The following BANF2 variants were observed in gnomAD, a reference collection of about 807,000 sequenced individuals.
The protein encoded by BANF2 is BANF family member 2.
A neutral mutation model predicts 8.0 loss-of-function variants in BANF2; 4 were observed. The ratio of observed to expected loss-of-function variants is 0.50; its 90% confidence interval spans 0.25 to 1.14. The LOEUF (loss-of-function observed/expected upper bound fraction) is 1.14. Among genes scored for constraint, BANF2 ranks in the 50% most tolerant of loss-of-function variants. The pLI is 0.16. For synonymous variants in BANF2, 50 were observed against 40.6 expected (o/e 1.23, Z -0.88); for missense variants, 96 against 107.5 (o/e 0.89, Z 0.47).
intron 1 of BANF2, among the ~76,000 whole-genome samples, chr20:17,719,397 G>T (rs904554615): frequency 1.3e-5 from 2 of 152,144 alleles, no homozygotes; most frequent in African/African-American, 4.8e-5. Context: ...CTCCCAAAGT[G>T]CTGGGATTAT....
chr20:17,732,203 G>A (rs1235579774), intron 3 of BANF2, among the ~76,000 whole-genome samples: 7 of 152,288 alleles, frequency 4.6e-5, no homozygotes, highest in Admixed American at 4.6e-4. Flanking sequence ...TGGCTCAGAT[G>A]CAAGGGAACC....
intron 1 of BANF2, among the ~76,000 whole-genome samples, chr20:17,719,291 AT>A (rs1174443384): frequency 6.6e-6 from 1 of 151,654 alleles, no homozygotes; most frequent in Admixed American, 6.6e-5. Flanking sequence ...CGCCCAGCTA[AT>A]TTTTTTCTTT....
chr20:17,712,939 T>A (rs559776415), intron 1 of BANF2, among the ~76,000 whole-genome samples: 1 of 152,208 alleles, frequency 6.6e-6, no homozygotes, highest in Non-Finnish European at 1.5e-5. Flanking sequence ...TGGAATGTTG[T>A]TTAGTCTTAG....
chr20:17,708,621 T>C (rs749574841), intron 1 of BANF2, among the ~76,000 whole-genome samples: 17 of 152,212 alleles, frequency 1.1e-4, no homozygotes, highest in Non-Finnish European at 2.2e-4. Context: ...TCCTCTTTTA[T>C]CAGCGCCCTT....
chr20:17,721,114 C>T (rs986656852), intron 1 of BANF2, among the ~76,000 whole-genome samples: 2 of 152,196 alleles, frequency 1.3e-5, no homozygotes, highest in African/African-American at 4.8e-5. Flanking sequence ...GCATTCATTT[C>T]CTCTCTTCCT....
intron 1 of BANF2, among the ~76,000 whole-genome samples, chr20:17,715,124 G>A (rs2037631748): frequency 6.6e-6 from 1 of 152,182 alleles, no homozygotes; most frequent in South Asian, 2.1e-4. Context: ...GTCAGACAAG[G>A]ATCTCCTACC....
chr20:17,721,349 C>T (rs767795395), intron 1 of BANF2, among the ~76,000 whole-genome samples: 2 of 149,186 alleles, frequency 1.3e-5, no homozygotes, highest in Non-Finnish European at 3.0e-5. Context: ...GAAGAAAAGA[C>T]CTCTCCTTCA....
At chr20:17,705,353 G>A (rs186135139) in intron 1 of BANF2, among the ~76,000 whole-genome samples, 27 of 152,304 alleles carry the variant, frequency 1.8e-4, no homozygotes, top group African/African-American at 5.3e-4. Flanking sequence ...AACAGAGGGC[G>A]GGAGCCTCAT....
At chr20:17,733,736 A>C (rs539456653) in intron 3 of BANF2, among the ~76,000 whole-genome samples, 2 of 152,342 alleles carry the variant, frequency 1.3e-5, no homozygotes, top group African/African-American at 4.8e-5. Flanking sequence ...TTAAAGTAGC[A>C]GTTCAGAATC....
intron 1 of BANF2, among the ~76,000 whole-genome samples, chr20:17,721,887 C>T (rs187700459): frequency 3.0e-3 from 463 of 152,268 alleles, no homozygotes; most frequent in Admixed American, 7.0e-3. Flanking sequence ...TTCTTAACCT[C>T]GATGGTATTG....
chr20:17,712,780 G>A (rs1350599036), intron 1 of BANF2, among the ~76,000 whole-genome samples: 1 of 152,026 alleles, frequency 6.6e-6, no homozygotes, highest in Non-Finnish European at 1.5e-5. Flanking sequence ...TCAGAATGCT[G>A]TACTCATAAG....
At chr20:17,714,445 C>A (rs1208397176) in intron 1 of BANF2, among the ~76,000 whole-genome samples, 1 of 152,100 alleles carries the variant, frequency 6.6e-6, no homozygotes, top group East Asian at 1.9e-4. Context: ...CACTATCAGA[C>A]AAGTATGTCC....
chr20:17,714,326 A>C (rs1422987521), intron 1 of BANF2, among the ~76,000 whole-genome samples: 1 of 152,146 alleles, frequency 6.6e-6, no homozygotes, highest in Non-Finnish European at 1.5e-5. Context: ...TCTTTATATG[A>C]CTTATTCTAT....
chr20:17,722,688 C>T (rs2037749788), intron 1 of BANF2, 28 bp from the exon 2 acceptor site: 7 of 975,512 alleles, frequency 7.2e-6, no homozygotes, highest in South Asian at 9.5e-5. Context: ...CCTGAACAAC[C>T]TCTCATGTCT....
chr20:17,701,998 T>C (rs995231854), intron 1 of BANF2, among the ~76,000 whole-genome samples: 9 of 152,208 alleles, frequency 5.9e-5, no homozygotes, highest in Admixed American at 5.2e-4. Flanking sequence ...TTATTCCACC[T>C]ACTCCTCCCC....
upstream of BANF2, among the ~76,000 whole-genome samples, chr20:17,697,444 A>G (rs1600208007): frequency 6.6e-6 from 1 of 152,090 alleles, no homozygotes; most frequent in Non-Finnish European, 1.5e-5. Flanking sequence ...CCAGCAGAAC[A>G]CCTCCATCTG....
intron 1 of BANF2, among the ~76,000 whole-genome samples, chr20:17,717,179 C>T (rs1276604574): frequency 1.3e-5 from 2 of 152,170 alleles, no homozygotes; most frequent in East Asian, 1.9e-4. Flanking sequence ...TCGGGCTTGA[C>T]TCCATCAGTG....
chr20:17,724,708 G>A (rs898309095), intron 2 of BANF2, among the ~76,000 whole-genome samples: 2 of 152,206 alleles, frequency 1.3e-5, no homozygotes, highest in East Asian at 3.8e-4. Flanking sequence ...TAGGCATTTA[G>A]AATGGGGTGA....
rs150762660 is a variant in BANF2, at chr20:17,700,075, C to A, written c.-167+20C>A. The A allele has an allele frequency of 3.6e-4, 329 of 914,668 alleles. 4 individuals carry two copies. In the East Asian group the frequency reaches 0.023, roughly 63 times the overall value. The allele number at this position is 914,668 out of a possible 1,614,324, so 56.7% of individuals were successfully genotyped here. On this transcript the variant is annotated intron_variant, in intron 1 of 3. Coordinates refer to ENST00000246090, the MANE Select transcript of BANF2 (RefSeq NM_178477.5). ...CACCTGGTGAGTATTCAGAACTTTC[C>A]CAAGCAGCATGGAAGGAGATACAGC...
Sources: gnomAD v4.1 joint callset for allele counts (sites outside exome capture counted in the v4.1 genomes callset) on GRCh38, gnomAD v4.1.1 for gene constraint, MANE v1.5 for transcripts, NCBI Gene and HGNC (gene_info 2026-07-23, HGNC 2026-07-21) for gene names.